Variants in ELP4 observed in about 807,000 individuals in gnomAD.
The protein encoded by ELP4 is elongator acetyltransferase complex subunit 4.
In ELP4, 51 loss-of-function variants were observed where a neutral mutation model predicts 48.9. The observed-to-expected ratio is 1.04, with a 90% CI of 0.83 to 1.32. The LOEUF (loss-of-function observed/expected upper bound fraction) is 1.32, where lower values mean the gene tolerates loss of function less well. Ranked by LOEUF, ELP4 falls within the 40% of genes most tolerant of loss-of-function variation. The probability of loss-of-function intolerance (pLI) is 0.00; values close to 1 mark genes in which losing one functional copy is unlikely to be tolerated. For synonymous variants in ELP4, 210 were observed against 189.2 expected (o/e 1.11, Z -0.90); for missense variants, 519 against 514.6 (o/e 1.01, Z -0.08).
intron 9 of ELP4, among the ~76,000 whole-genome samples, chr11:31,781,695 C>T (rs1315801840): frequency 2.0e-5 from 3 of 151,774 alleles, no homozygotes; most frequent in African/African-American, 7.3e-5. Context: ...GACGGGATTT[C>T]ACCATATTGG....
chr11:31,763,852 C>A (rs1216035387), intron 9 of ELP4, among the ~76,000 whole-genome samples: 1 of 151,426 alleles, frequency 6.6e-6, no homozygotes, highest in African/African-American at 2.4e-5. Context: ...TTTTCCAAGT[C>A]TTTTGTGTAG....
intron 9 of ELP4, among the ~76,000 whole-genome samples, chr11:31,693,997 T>G (rs936754720): frequency 6.6e-6 from 1 of 152,174 alleles, no homozygotes; most frequent in African/African-American, 2.4e-5. Context: ...TCGCCCACTT[T>G]TTGATGGGGT....
chr11:31,621,487 A>T (rs944434973), intron 5 of ELP4, among the ~76,000 whole-genome samples: 11 of 151,948 alleles, frequency 7.2e-5, no homozygotes, highest in African/African-American at 2.7e-4. Context: ...CTGGCTTTAC[A>T]GATGAGAAAA....
At position 31,623,390 on chromosome 11, in the gene ELP4, T is replaced by TATATATAAAA. The variant is rs67986763; in HGVS notation, c.654-3719_654-3718insTATATAAAAA. Among the ~76,000 whole-genome samples, 26 of 92,578 alleles carry TATATATAAAA rather than the reference T, an allele frequency of 2.8e-4. 1 individual carries two copies. Among genetic ancestry groups the TATATATAAAA allele is most frequent in the South Asian group, 6.7e-4 (2 of 2,992 alleles). 60.7% of individuals were successfully genotyped at this position (92,578 alleles called of 152,430 possible). ...ATATATATATATATATATATATATATAAAACTAGAAACATTGCTGGCAAAG... is the reference window on the plus strand; with the variant it reads ...ATATATATATATATATATATATATATATATATAAAAAAAACTAGAAACATTGCTGGCAAAG... On this transcript the variant is annotated intron_variant, in intron 5 of 9. Coordinates refer to ENST00000640961, the MANE Select transcript of ELP4 (RefSeq NM_019040.5).
chr11:31,699,415 G>T (rs747607352), intron 9 of ELP4, among the ~76,000 whole-genome samples: 2 of 152,118 alleles, frequency 1.3e-5, no homozygotes, highest in Non-Finnish European at 2.9e-5. Flanking sequence ...AAATAAAATG[G>T]AAATTCATGA....
intron 9 of ELP4, among the ~76,000 whole-genome samples, chr11:31,743,287 C>A (rs2134224157): frequency 6.6e-6 from 1 of 152,222 alleles, no homozygotes; most frequent in East Asian, 1.9e-4. Context: ...GACTCCCACA[C>A]AATAATAATG....
At chr11:31,547,079 G>T (rs1004556402) in intron 3 of ELP4, among the ~76,000 whole-genome samples, 1 of 152,142 alleles carries the variant, frequency 6.6e-6, no homozygotes, top group Admixed American at 6.5e-5. Context: ...AAAAGAACTA[G>T]AGAACCAAGA....
chr11:31,652,923 T>G (rs1031238695), intron 9 of ELP4: 3 of 151,868 alleles, frequency 2.0e-5, no homozygotes, highest in Non-Finnish European at 4.4e-5. Context: ...AGGGCAACTT[T>G]TTTTTAATTT....
At chr11:31,625,231 T>A (rs1176065075) in intron 5 of ELP4, among the ~76,000 whole-genome samples, 2 of 151,748 alleles carry the variant, frequency 1.3e-5, no homozygotes, top group Non-Finnish European at 2.9e-5. Flanking sequence ...ATTTTTCAAT[T>A]CTATTACAAT....
chr11:31,706,981 T>G (rs1427383734), intron 9 of ELP4: 2 of 398,322 alleles, frequency 5.0e-6, no homozygotes, highest in Admixed American at 4.4e-5. Flanking sequence ...TATTCATCTT[T>G]TTTTGGACAC....
At chr11:31,559,180 G>A (rs1956976593) in intron 3 of ELP4, among the ~76,000 whole-genome samples, 1 of 152,114 alleles carries the variant, frequency 6.6e-6, no homozygotes, top group Non-Finnish European at 1.5e-5. Context: ...CTTTACTGTG[G>A]AAACCCCAAA....
At chr11:31,625,644 G>A (rs1463818097) in intron 5 of ELP4, among the ~76,000 whole-genome samples, 1 of 151,762 alleles carries the variant, frequency 6.6e-6, no homozygotes, top group Non-Finnish European at 1.5e-5. Flanking sequence ...GAATGCATTG[G>A]CTATATTTTT....
At chr11:31,597,817 T>C (rs1360408220) in intron 4 of ELP4, among the ~76,000 whole-genome samples, 2 of 152,116 alleles carry the variant, frequency 1.3e-5, no homozygotes, top group African/African-American at 4.8e-5. Flanking sequence ...TCTGCCTGCC[T>C]TGGCCTCCCA....
chr11:31,683,104 G>A (rs1311084179), intron 9 of ELP4, among the ~76,000 whole-genome samples: 1 of 151,448 alleles, frequency 6.6e-6, no homozygotes, highest in Non-Finnish European at 1.5e-5. Flanking sequence ...CCCAAGCTTA[G>A]CTAGTTACCA....
At chr11:31,592,192 A>G (rs947086115) in intron 3 of ELP4, among the ~76,000 whole-genome samples, 1 of 152,160 alleles carries the variant, frequency 6.6e-6, no homozygotes, top group African/African-American at 2.4e-5. Flanking sequence ...ATTAAAAATT[A>G]CCAAATTTTT....
chr11:31,576,130 G>A (rs1398206098), intron 3 of ELP4, among the ~76,000 whole-genome samples: 1 of 152,002 alleles, frequency 6.6e-6, no homozygotes, highest in African/African-American at 2.4e-5. Context: ...AAATAGGCAG[G>A]GATTGCAATC....
chr11:31,603,704 A>C (rs1957821428), intron 4 of ELP4, 64 bp from the exon 5 acceptor site: 1 of 1,544,368 alleles, frequency 6.5e-7, no homozygotes. Flanking sequence ...TGCTGGATGT[A>C]GGACAAATAA....
chr11:31,746,596 G>A (rs1385781703), intron 9 of ELP4, among the ~76,000 whole-genome samples: 1 of 152,156 alleles, frequency 6.6e-6, no homozygotes, highest in Non-Finnish European at 1.5e-5. Flanking sequence ...TAGGGACATG[G>A]ATGAAACTGG....
intron 3 of ELP4, among the ~76,000 whole-genome samples, chr11:31,587,951 G>C (rs779512183): frequency 3.9e-5 from 6 of 152,038 alleles, no homozygotes; most frequent in Non-Finnish European, 8.8e-5. Context: ...GAACATTATA[G>C]TTGATAGTTG....
Sources: gnomAD v4.1 joint callset for allele counts (sites outside exome capture counted in the v4.1 genomes callset) on GRCh38, gnomAD v4.1.1 for gene constraint, MANE v1.5 for transcripts, NCBI Gene and HGNC (gene_info 2026-07-23, HGNC 2026-07-21) for gene names.